COLEC10: variants seen among roughly 807,000 people sequenced by gnomAD.
COLEC10 encodes the protein collectin-10.
Under a neutral mutation model 28.4 loss-of-function variants are expected in COLEC10, and 22 were observed. That is an observed-to-expected ratio of 0.78 (90% CI 0.55 to 1.11). The LOEUF (loss-of-function observed/expected upper bound fraction) is 1.11, where lower values mean the gene tolerates loss of function less well. Ranked by LOEUF, COLEC10 falls within the 50% of genes least tolerant of loss-of-function variation. The pLI, the probability that COLEC10 is intolerant of heterozygous loss-of-function variation, is 0.00. For synonymous variants in COLEC10, 125 were observed against 116.1 expected, an observed-to-expected ratio of 1.08 and a Z score of -0.49; for missense variants, 361 against 344.1, an observed-to-expected ratio of 1.05 and a Z score of -0.39.
chr8:119,091,316 G>C, intron 3 of COLEC10, 96 bp downstream of exon 3: 2 of 865,084 alleles, frequency 2.3e-6, no homozygotes, highest in Non-Finnish European at 1.9e-6. Context: ...CAGAGACCGA[G>C]GTGGGAGGAT....
At chr8:119,009,926 T>A (rs1308940318) in intron 2 of COLEC10, among the ~76,000 whole-genome samples, 1 of 150,806 alleles carries the variant, frequency 6.6e-6, no homozygotes, top group Non-Finnish European at 1.5e-5. Context: ...AAATTTCCTG[T>A]CGAACTTCTG....
chr8:119,085,843 C>G (rs757312039), intron 1 of COLEC10, among the ~76,000 whole-genome samples: 1 of 151,784 alleles, frequency 6.6e-6, no homozygotes, highest in Non-Finnish European at 1.5e-5. Flanking sequence ...GTCTTGAACT[C>G]CTGACTTCAA....
chr8:119,027,892 A>T (rs1189223089), intron 2 of COLEC10, among the ~76,000 whole-genome samples: 2 of 152,218 alleles, frequency 1.3e-5, no homozygotes, highest in Admixed American at 1.3e-4. Flanking sequence ...AATGTGGTTC[A>T]TTGAACTCTG....
intron 2 of COLEC10, among the ~76,000 whole-genome samples, chr8:119,054,043 C>T (rs932084330): frequency 2.6e-5 from 4 of 151,978 alleles, no homozygotes; most frequent in Non-Finnish European, 4.4e-5. Flanking sequence ...GTACAATAAG[C>T]GTTACTTGGA....
chr8:119,001,481 C>T (rs1234168599), intron 1 of COLEC10, among the ~76,000 whole-genome samples: 1 of 152,006 alleles, frequency 6.6e-6, no homozygotes, highest in East Asian at 1.9e-4. Context: ...GGGAGGGGAG[C>T]CAGTAGTGAT....
intron 2 of COLEC10, among the ~76,000 whole-genome samples, chr8:119,015,213 G>A (rs1813970040): frequency 6.6e-6 from 1 of 150,910 alleles, no homozygotes; most frequent in African/African-American, 2.5e-5. Flanking sequence ...GATATGGTGG[G>A]GAGGTGAAGC....
the COLEC10 span, among the ~76,000 whole-genome samples, chr8:118,957,885 C>T: frequency 7.9e-5 from 12 of 152,154 alleles, no homozygotes; most frequent in Non-Finnish European, 1.5e-4. Context: ...GGAATGGGAA[C>T]CTTCTGATGA....
chr8:119,069,296 C>A (rs983494159), intron 1 of COLEC10, among the ~76,000 whole-genome samples: 4 of 151,888 alleles, frequency 2.6e-5, no homozygotes, highest in Non-Finnish European at 4.4e-5. Flanking sequence ...AGACATGATA[C>A]CTTCTCTTAA....
At chr8:119,036,768 C>T (rs996829018) in intron 2 of COLEC10, among the ~76,000 whole-genome samples, 1 of 152,118 alleles carries the variant, frequency 6.6e-6, no homozygotes, top group African/African-American at 2.4e-5. Flanking sequence ...AAGATGCAGG[C>T]AGACACAGGG....
At chr8:118,966,886 T>A in the COLEC10 span, among the ~76,000 whole-genome samples, 4 of 152,138 alleles carry the variant, frequency 2.6e-5, no homozygotes, top group African/African-American at 9.7e-5. Flanking sequence ...TCATAGCATC[T>A]GCTGTGATGT....
At chr8:118,998,846 C>CAAAAA (rs567463648) in intron 1 of COLEC10, among the ~76,000 whole-genome samples, 15,939 of 76,138 alleles carry the variant, frequency 0.21, 1,792 homozygotes, top group Middle Eastern at 0.28. Context: ...GACTCCGTCT[C>CAAAAA]AAAAAAAAAA....
At chr8:119,053,653 C>T (rs1273342886) in intron 2 of COLEC10, among the ~76,000 whole-genome samples, 7 of 148,440 alleles carry the variant, frequency 4.7e-5, no homozygotes, top group Non-Finnish European at 5.9e-5. Flanking sequence ...GGTAACAGTG[C>T]CTCTCAGGAT....
chr8:118,968,158 C>A, the COLEC10 span, among the ~76,000 whole-genome samples: 1 of 151,360 alleles, frequency 6.6e-6, no homozygotes. Flanking sequence ...GAGTAGGACA[C>A]AAATTTTTTT....
At chr8:119,105,154 G>A (rs1027640053) in intron 5 of COLEC10, among the ~76,000 whole-genome samples, 1 of 152,146 alleles carries the variant, frequency 6.6e-6, no homozygotes, top group African/African-American at 2.4e-5. Context: ...ATTCCCATAA[G>A]TATTCCAGGC....
chr8:118,964,491 A>G, the COLEC10 span, among the ~76,000 whole-genome samples: 2 of 152,116 alleles, frequency 1.3e-5, no homozygotes, highest in African/African-American at 4.8e-5. Flanking sequence ...GGTGTCAATG[A>G]GCTTTAATAT....
upstream of COLEC10, among the ~76,000 whole-genome samples, chr8:118,991,374 A>T (rs371214609): frequency 3.3e-5 from 5 of 152,282 alleles, no homozygotes; most frequent in African/African-American, 1.2e-4. Context: ...CGACCAGGAA[A>T]TTTCTCACAA....
chr8:119,042,740 T>C (rs1814521493), intron 2 of COLEC10, among the ~76,000 whole-genome samples: 2 of 152,192 alleles, frequency 1.3e-5, no homozygotes, highest in Admixed American at 6.5e-5. Context: ...AAAACCTCAG[T>C]CTCTTCATCT....
chr8:119,040,111 A>G (rs995138804), intron 2 of COLEC10, among the ~76,000 whole-genome samples: 9 of 152,184 alleles, frequency 5.9e-5, no homozygotes, highest in African/African-American at 1.7e-4. Flanking sequence ...AGAATCTTCT[A>G]TCTCTAGCCC....
At chr8:119,016,860 G>C (rs1245072422) in intron 2 of COLEC10, among the ~76,000 whole-genome samples, 1 of 152,074 alleles carries the variant, frequency 6.6e-6, no homozygotes, top group African/African-American at 2.4e-5. Flanking sequence ...GGGACTACAG[G>C]TACCCACCAC....
Sources: gnomAD v4.1 joint callset for allele counts (sites outside exome capture counted in the v4.1 genomes callset) on GRCh38, gnomAD v4.1.1 for gene constraint, MANE v1.5 for transcripts, NCBI Gene and HGNC (gene_info 2026-07-23, HGNC 2026-07-21) for gene names.